The following MEIS2 variants were observed in gnomAD, a reference collection of about 807,000 sequenced individuals.
The protein encoded by MEIS2 is homeobox protein Meis2.
Under a neutral mutation model 58.6 loss-of-function variants are expected in MEIS2, and 9 were observed. That is an observed-to-expected ratio of 0.15 (90% confidence interval 0.09 to 0.27). The LOEUF (loss-of-function observed/expected upper bound fraction) is 0.27. MEIS2 is among the 10% of genes least tolerant of loss of function. MEIS2 has a pLI of 1.00. For missense variants in MEIS2, 427 were observed against 635.0 expected (o/e 0.67, Z 3.52); for synonymous variants, 221 against 228.4 (o/e 0.97, Z 0.29).
At chr15:37,057,259 C>T (rs1371338122) in intron 7 of MEIS2, among the ~76,000 whole-genome samples, 1 of 152,230 alleles carries the variant, frequency 6.6e-6, no homozygotes, top group African/African-American at 2.4e-5. Context: ...AAGAATCTCT[C>T]GTGGCGTCCT....
At chr15:36,971,256 G>A (rs1039782395) in intron 8 of MEIS2, among the ~76,000 whole-genome samples, 8 of 151,806 alleles carry the variant, frequency 5.3e-5, no homozygotes, top group African/African-American at 7.3e-5. Flanking sequence ...CTAATACCTC[G>A]AAGGCTGGTA....
chr15:36,972,542 C>A (rs190933128), intron 8 of MEIS2, among the ~76,000 whole-genome samples: 87 of 152,238 alleles, frequency 5.7e-4, no homozygotes, highest in African/African-American at 2.0e-3. Context: ...CAGGTGTGAG[C>A]CACCGCACCT....
intron 7 of MEIS2, among the ~76,000 whole-genome samples, chr15:37,078,386 T>TA (rs2087805040): frequency 6.7e-6 from 1 of 150,330 alleles, no homozygotes; most frequent in Non-Finnish European, 1.5e-5. Context: ...TAAATAAAAA[T>TA]ATGGTTCTCT....
At chr15:37,072,851 T>A (rs1890891416) in intron 7 of MEIS2, among the ~76,000 whole-genome samples, 1 of 152,008 alleles carries the variant, frequency 6.6e-6, no homozygotes, top group African/African-American at 2.4e-5. Context: ...CAAAATCTTT[T>A]AAAACCTTCC....
chr15:37,052,413 C>T (rs2049290), intron 7 of MEIS2, among the ~76,000 whole-genome samples: 146,785 of 152,308 alleles, frequency 0.96, 70,964 homozygotes, highest in East Asian at 1. Flanking sequence ...CCTAAAGTCA[C>T]GTGGCTAGTT....
intron 8 of MEIS2, among the ~76,000 whole-genome samples, chr15:37,029,093 C>CT (rs1225716539): frequency 2.0e-5 from 3 of 152,166 alleles, no homozygotes; most frequent in African/African-American, 7.2e-5. Context: ...CAGACGATCT[C>CT]TAGTATAAGA....
chr15:37,078,605 CAAAAAAAAAAAA>C (rs540405090), intron 7 of MEIS2, among the ~76,000 whole-genome samples: 4 of 69,392 alleles, frequency 5.8e-5, no homozygotes, highest in Non-Finnish European at 7.7e-5. Context: ...AAAAAACAAC[CAAAAAAAAAAAA>C]AAAAAAAAAA....
Position 36,995,863 on chromosome 15 carries a change from C to T in MEIS2, c.900+40951G>A, listed in dbSNP as rs553217663. Among the ~76,000 whole-genome samples the T allele has an allele frequency of 6.8e-4, 99 of 145,916 alleles. 1 individual carries two copies. The South Asian group carries it at 0.02, about 29-fold the overall frequency. On this transcript the variant is annotated intron_variant, in intron 8 of 11. Coordinates refer to ENST00000561208, the MANE Select transcript of MEIS2 (RefSeq NM_170675.5). ...GCACACAATAGGCATTTTTCTTGTTCGACTTGAATCTTTGTATTATTATTT... is the reference window on the plus strand; with the variant it reads ...GCACACAATAGGCATTTTTCTTGTTTGACTTGAATCTTTGTATTATTATTT...
At chr15:36,963,350 A>C (rs969929550) in intron 8 of MEIS2, among the ~76,000 whole-genome samples, 2 of 151,244 alleles carry the variant, frequency 1.3e-5, no homozygotes, top group Non-Finnish European at 2.9e-5. Flanking sequence ...ACTGCACTCC[A>C]GCCCGGGTGA....
intron 7 of MEIS2, among the ~76,000 whole-genome samples, chr15:37,042,295 T>G (rs1404079595): frequency 6.6e-6 from 1 of 152,232 alleles, no homozygotes; most frequent in Non-Finnish European, 1.5e-5. Flanking sequence ...GATGATGTGC[T>G]ATGATGAGTC....
chr15:36,929,474 A>G (rs1269015599), intron 9 of MEIS2, among the ~76,000 whole-genome samples: 1 of 152,178 alleles, frequency 6.6e-6, no homozygotes, highest in Non-Finnish European at 1.5e-5. Flanking sequence ...TTTGTACGAG[A>G]GTATTGTGTA....
intron 7 of MEIS2, among the ~76,000 whole-genome samples, chr15:37,059,323 C>T (rs924695031): frequency 2.0e-5 from 3 of 152,102 alleles, no homozygotes; most frequent in East Asian, 1.9e-4. Flanking sequence ...GGGAGTCAAA[C>T]GAGTCTATCA....
intron 8 of MEIS2, among the ~76,000 whole-genome samples, chr15:37,027,984 G>T (rs1411276928): frequency 6.6e-6 from 1 of 152,070 alleles, no homozygotes; most frequent in Non-Finnish European, 1.5e-5. Flanking sequence ...GATCACTCTT[G>T]GTGTTGTACA....
chr15:37,051,840 T>C (rs12910129), intron 7 of MEIS2, among the ~76,000 whole-genome samples: 27,978 of 152,160 alleles, frequency 0.18, 3,456 homozygotes, highest in Non-Finnish European at 0.27. Flanking sequence ...ATGAATGTGT[T>C]GATTTATATA....
intron 9 of MEIS2, among the ~76,000 whole-genome samples, chr15:36,918,982 G>A (rs1567051108): frequency 1.3e-5 from 2 of 152,098 alleles, no homozygotes; most frequent in African/African-American, 2.4e-5. Context: ...TTTAGGCCAG[G>A]CACATTGGCT....
intron 6 of MEIS2, among the ~76,000 whole-genome samples, chr15:37,088,999 T>C (rs1056376095): frequency 1.3e-5 from 2 of 152,146 alleles, no homozygotes; most frequent in Non-Finnish European, 2.9e-5. Flanking sequence ...ACTGAAAACA[T>C]ACTCCAACTG....
chr15:36,917,349 G>A (rs2057324713), intron 9 of MEIS2, among the ~76,000 whole-genome samples: 1 of 152,130 alleles, frequency 6.6e-6, no homozygotes, highest in Admixed American at 6.5e-5. Context: ...GAATGTGCAT[G>A]GAATTCTGTA....
rs563137723 is a variant in MEIS2 at position 36,977,251 on chromosome 15, T to A, written c.901-26851A>T. ...TGAGGAAAAACACACTTTTCAAGAA[T>A]GTTTTATATACTTATTTAAAACCAG... On this transcript the variant is annotated intron_variant, in intron 8 of 11. Transcript: ENST00000561208. Among the ~76,000 whole-genome samples, 43 of 152,310 alleles carry A rather than the reference T, an allele frequency of 2.8e-4. 2 individuals are homozygous for A. The South Asian group carries it at 7.7e-3, about 27-fold the overall frequency.
chr15:36,990,046 G>A (rs990849351), intron 8 of MEIS2, among the ~76,000 whole-genome samples: 3 of 152,160 alleles, frequency 2.0e-5, no homozygotes, highest in South Asian at 2.1e-4. Flanking sequence ...CCGGGTTCAT[G>A]CCATTCTCCT....
Sources: gnomAD v4.1 joint callset for allele counts (sites outside exome capture counted in the v4.1 genomes callset) on GRCh38, gnomAD v4.1.1 for gene constraint, MANE v1.5 for transcripts, NCBI Gene and HGNC (gene_info 2026-07-23, HGNC 2026-07-21) for gene names.